The following ASCC1 variants were observed in gnomAD, a reference collection of about 807,000 sequenced individuals.
ASCC1 encodes ASC-1 complex subunit P50.
Under a neutral mutation model 46.6 loss-of-function variants are expected in ASCC1, and 35 were observed. That is an observed-to-expected ratio of 0.75 (90% CI 0.57 to 0.99). The LOEUF is 0.99. ASCC1 is among the 50% of genes least tolerant of loss of function. The pLI is 0.00. For synonymous variants in ASCC1, 143 were observed against 146.6 expected (o/e 0.98, Z 0.18); for missense variants, 376 against 428.7 (o/e 0.88, Z 1.09).
At chr10:72,179,211 G>A (rs918817273) in intron 5 of ASCC1, among the ~76,000 whole-genome samples, 2 of 152,096 alleles carry the variant, frequency 1.3e-5, no homozygotes, top group African/African-American at 4.8e-5. Context: ...TGGTTGCCCA[G>A]GCTGATCTCA....
intron 5 of ASCC1, among the ~76,000 whole-genome samples, chr10:72,179,072 A>G (rs1405911381): frequency 6.6e-6 from 1 of 152,206 alleles, no homozygotes; most frequent in Non-Finnish European, 1.5e-5. Flanking sequence ...TATGATTTGA[A>G]TAATAACCCA....
At chr10:72,119,727 A>AG (rs1346400688) in intron 9 of ASCC1, among the ~76,000 whole-genome samples, 1 of 152,178 alleles carries the variant, frequency 6.6e-6, no homozygotes, top group Non-Finnish European at 1.5e-5. Context: ...AGGAAAAAAA[A>AG]AAAACCAACA....
chr10:72,140,434 A>G (rs2132403366), intron 7 of ASCC1, among the ~76,000 whole-genome samples: 1 of 152,356 alleles, frequency 6.6e-6, no homozygotes, highest in South Asian at 2.1e-4. Flanking sequence ...AATTCAAAAG[A>G]TGATGAGAAA....
chr10:72,203,366 A>T, intron 4 of ASCC1, 61 bp downstream of exon 4: 1 of 1,197,146 alleles, frequency 8.4e-7, no homozygotes, highest in Non-Finnish European at 1.2e-6. Context: ...GCAGTTGGTT[A>T]CATTATTCCA....
intron 5 of ASCC1, among the ~76,000 whole-genome samples, chr10:72,172,431 A>AG (rs1851230693): frequency 6.7e-6 from 1 of 149,512 alleles, no homozygotes; most frequent in African/African-American, 2.5e-5. Flanking sequence ...AAAAAAAAAA[A>AG]AAAAGAAAAA....
chr10:72,215,921 G>C (rs2133596428), intron 1 of ASCC1: 1 of 152,464 alleles, frequency 6.6e-6, no homozygotes, highest in East Asian at 1.9e-4. Flanking sequence ...GGGCGAGGAG[G>C]AGGACCCGGA....
intron 7 of ASCC1, among the ~76,000 whole-genome samples, chr10:72,148,990 C>G (rs901492652): frequency 6.6e-6 from 1 of 152,118 alleles, no homozygotes; most frequent in Non-Finnish European, 1.5e-5. Flanking sequence ...TCATATACTT[C>G]AATCAAAACA....
chr10:72,143,279 ACTGCTTT>A (rs111591528), intron 7 of ASCC1, among the ~76,000 whole-genome samples: 3 of 151,954 alleles, frequency 2.0e-5, no homozygotes, highest in Admixed American at 6.6e-5. Flanking sequence ...TTTAAATGAT[ACTGCTTT>A]CTGTTTGCTG....
At chr10:72,201,452 G>T (rs2133357018) in intron 4 of ASCC1, among the ~76,000 whole-genome samples, 1 of 152,294 alleles carries the variant, frequency 6.6e-6, no homozygotes, top group East Asian at 1.9e-4. Flanking sequence ...ACTTTGGGAG[G>T]CCAAGGAGGA....
chr10:72,180,558 G>A (rs186836778), intron 5 of ASCC1, among the ~76,000 whole-genome samples: 3 of 151,794 alleles, frequency 2.0e-5, no homozygotes, highest in Non-Finnish European at 2.9e-5. Context: ...CTCAGGAGGC[G>A]GAGGTTGCAG....
chr10:72,211,640 A>G (rs12249111), intron 2 of ASCC1, among the ~76,000 whole-genome samples: 21,430 of 151,848 alleles, frequency 0.14, 4,315 homozygotes, highest in African/African-American at 0.45. Flanking sequence ...TGGCTATCAC[A>G]GTGAAACCCC....
chr10:72,115,014 T>C (rs938903160), intron 9 of ASCC1, among the ~76,000 whole-genome samples: 1 of 151,722 alleles, frequency 6.6e-6, no homozygotes. Context: ...TTTGATGTTT[T>C]TTCAATCATT....
chr10:72,216,761 C>G (rs1859423674), upstream of ASCC1: 1 of 454,538 alleles, frequency 2.2e-6, no homozygotes, highest in Non-Finnish European at 4.4e-6. Flanking sequence ...ACACAGCAAT[C>G]TGTGTCCACA....
intron 7 of ASCC1, among the ~76,000 whole-genome samples, chr10:72,148,275 G>T (rs995751161): frequency 2.0e-5 from 3 of 151,812 alleles, no homozygotes; most frequent in Admixed American, 6.6e-5. Flanking sequence ...TTTGGAAAAA[G>T]AAATACAAAA....
chr10:72,134,017 A>T (rs1390792261), intron 7 of ASCC1: 5 of 152,352 alleles, frequency 3.3e-5, no homozygotes, highest in Admixed American at 3.3e-4. Context: ...GCAGTGGCTC[A>T]TGTCTGTGAT....
In ASCC1 at chr10:72,131,507, T is replaced by C. The variant is rs573414133; in HGVS notation, c.871+1550A>G. 2.6e-5 allele frequency among the ~76,000 whole-genome samples: 4 copies of C among 151,440 alleles called. No individual in the cohort carries two copies. In the East Asian group the frequency reaches 7.7e-4, roughly 29 times the overall value. ...CTGGAACAAGTTCAAAGTTTTGGATTCTATTACCTACCCAAACAAGAGTAT... is the reference window on the plus strand; with the variant it reads ...CTGGAACAAGTTCAAAGTTTTGGATCCTATTACCTACCCAAACAAGAGTAT... On this transcript the variant is annotated intron_variant, in intron 8 of 9. Transcript: ENST00000672957.
intron 7 of ASCC1, among the ~76,000 whole-genome samples, chr10:72,152,625 C>T (rs1008358850): frequency 2.0e-5 from 3 of 152,066 alleles, no homozygotes; most frequent in Non-Finnish European, 2.9e-5. Context: ...GAGCCCAGGA[C>T]GCTGAGATCA....
At chr10:72,216,474 G>T (rs1035096586), upstream of ASCC1, among the ~76,000 whole-genome samples, 1 of 4,928 alleles carries the variant, frequency 2.0e-4, no homozygotes, top group Non-Finnish European at 4.4e-4. Context: ...CCCCCGCCCC[G>T]TTCCCGCCCC....
chr10:72,148,290 A>G (rs377025645), intron 7 of ASCC1, among the ~76,000 whole-genome samples: 117 of 152,350 alleles, frequency 7.7e-4, no homozygotes, highest in Middle Eastern at 6.8e-3. Context: ...ACAAAAAGTA[A>G]AAGAAAATTT....
Sources: allele counts gnomAD v4.1 joint callset (sites outside exome capture counted in the v4.1 genomes callset), GRCh38; gene constraint gnomAD v4.1.1; transcripts MANE v1.5; gene names NCBI Gene and HGNC (gene_info 2026-07-23, HGNC 2026-07-21).